UBE2E1: variants seen among roughly 807,000 people sequenced by gnomAD.
UBE2E1 encodes ubiquitin conjugating enzyme E2 E1.
UBE2E1 carries 6 observed loss-of-function variants against 21.4 expected under a neutral mutation model. The observed-to-expected ratio is 0.28, with a 90% CI of 0.15 to 0.55. UBE2E1 has a LOEUF of 0.55. Among genes scored for constraint, UBE2E1 ranks in the 20% least tolerant of loss-of-function variants. The pLI, the probability that UBE2E1 is intolerant of heterozygous loss-of-function variation, is 0.93. For synonymous variants in UBE2E1, 87 were observed against 82.7 expected (o/e 1.05, Z -0.28); for missense variants, 142 against 236.5 (o/e 0.60, Z 2.62).
chr3:23,882,020 G>A (rs925520281), intron 3 of UBE2E1, among the ~76,000 whole-genome samples: 2 of 152,148 alleles, frequency 1.3e-5, no homozygotes, highest in African/African-American at 4.8e-5. Context: ...GCAGACCTTC[G>A]CGGTGAGTGT....
rs954471121 is a variant in UBE2E1, at chr3:23,853,257, G to A, written c.204-34310G>A. ...ACTTCCAGTAAAATATTGAATAGAAGTAGTAAGGGTATCAAGTTCTTTTGC... is the reference window on the plus strand; with the variant it reads ...ACTTCCAGTAAAATATTGAATAGAAATAGTAAGGGTATCAAGTTCTTTTGC... On this transcript the variant is annotated intron_variant, in intron 3 of 5. Coordinates refer to ENST00000306627, the MANE Select transcript of UBE2E1 (RefSeq NM_003341.5). This position sits in a 1 kb window ranked among gnomAD's most constrained non-coding sequence, Gnocchi z 4.1. Among the ~76,000 whole-genome samples, 39 of 152,292 alleles carry A rather than the reference G, an allele frequency of 2.6e-4. No homozygotes were observed. The highest frequency in any genetic ancestry group is 3.4e-3 in the Middle Eastern group (1 of 294).
At chr3:23,848,457 G>A (rs1316241646) in intron 3 of UBE2E1, among the ~76,000 whole-genome samples, 2 of 146,218 alleles carry the variant, frequency 1.4e-5, no homozygotes, top group Non-Finnish European at 3.0e-5. Flanking sequence ...GTAGCAGAGT[G>A]AGACTCTGTC....
At chr3:23,838,764 C>T (rs1020688595) in intron 3 of UBE2E1, among the ~76,000 whole-genome samples, 2 of 151,914 alleles carry the variant, frequency 1.3e-5, no homozygotes, top group Admixed American at 6.6e-5. Flanking sequence ...CCCAGAGTGC[C>T]GGGATTACAG....
Position 23,840,392 on chromosome 3 carries a change from T to C in UBE2E1, c.203+28882T>C, listed in dbSNP as rs549967023. Among the ~76,000 whole-genome samples the C allele has an allele frequency of 2.1e-4, 32 of 152,350 alleles. No homozygotes were observed. In the South Asian group the frequency reaches 6.4e-3, roughly 31 times the overall value. On this transcript the variant is annotated intron_variant, in intron 3 of 5. Transcript: ENST00000306627. ...TGCCTTTTTGAGTGCTGCCTTTTTG[T>C]ATTCTTAAAAATATTCTTGAGCTTT...
Position 23,872,360 on chromosome 3 carries a change from G to A in UBE2E1, c.204-15207G>A, listed in dbSNP as rs147934886. Among the ~76,000 whole-genome samples the A allele has an allele frequency of 9.4e-3, 1,435 of 151,876 alleles. 24 individuals are homozygous for A. The highest frequency in any genetic ancestry group is 0.032 in the African/African-American group (1,341 of 41,382). On this transcript the variant is annotated intron_variant, in intron 3 of 5. Transcript: ENST00000306627. Reference sequence around the variant, plus strand: ...TTCGGCTCGGCATCAGAGGGAGACCGTGGAAAGAGGGGAGGGGGAGGGGGA... The same window carrying A: ...TTCGGCTCGGCATCAGAGGGAGACCATGGAAAGAGGGGAGGGGGAGGGGGA...
intron 3 of UBE2E1, among the ~76,000 whole-genome samples, chr3:23,884,631 C>G (rs778128203): frequency 3.3e-5 from 5 of 152,006 alleles, no homozygotes; most frequent in African/African-American, 1.2e-4. Context: ...AGAATTGGGC[C>G]CATGCCAACA....
In UBE2E1 at chr3:23,881,750, C is replaced by T. The variant is rs192964761; in HGVS notation, c.204-5817C>T. Among the ~76,000 whole-genome samples the T allele has an allele frequency of 8.3e-4, 127 of 152,264 alleles. 2 individuals carry two copies. Among genetic ancestry groups the T allele is most frequent in the African/African-American group, 2.7e-3 (113 of 41,564 alleles). ...GTCTCACTGACTTCAAGAATGAAGCCGCGGACCCTCACGGTGAGTGTTAAC... is the reference window on the plus strand; with the variant it reads ...GTCTCACTGACTTCAAGAATGAAGCTGCGGACCCTCACGGTGAGTGTTAAC... On this transcript the variant is annotated intron_variant, in intron 3 of 5. Transcript: ENST00000306627.
At chr3:23,868,608 C>G (rs1428496922) in intron 3 of UBE2E1, among the ~76,000 whole-genome samples, 1 of 152,106 alleles carries the variant, frequency 6.6e-6, no homozygotes, top group Non-Finnish European at 1.5e-5. Flanking sequence ...TGCCTGGCCA[C>G]TTTTACTTTC....
intron 3 of UBE2E1, among the ~76,000 whole-genome samples, chr3:23,850,517 T>C (rs2125306822): frequency 6.9e-6 from 1 of 144,348 alleles, no homozygotes; most frequent in South Asian, 2.2e-4. Context: ...TCCTCTTTAT[T>C]ATTATTATTA....
At chr3:23,861,466 A>AC (rs754630187) in intron 3 of UBE2E1, among the ~76,000 whole-genome samples, 14 of 151,800 alleles carry the variant, frequency 9.2e-5, no homozygotes, top group Non-Finnish European at 2.1e-4. Context: ...CGAGGGCTCC[A>AC]CCCCCGGGCC....
chr3:23,849,400 T>A (rs1053117986), intron 3 of UBE2E1, among the ~76,000 whole-genome samples: 2 of 152,230 alleles, frequency 1.3e-5, no homozygotes, highest in Non-Finnish European at 2.9e-5. Flanking sequence ...GCAGGTTTGT[T>A]ACATAGGTAT....
chr3:23,855,656 C>T (rs1299374968), intron 3 of UBE2E1, among the ~76,000 whole-genome samples: 5 of 151,970 alleles, frequency 3.3e-5, no homozygotes, highest in East Asian at 3.9e-4. Flanking sequence ...GATGAAACCC[C>T]GTCTCTACTA....
At chr3:23,812,693 T>C (rs758236220) in intron 3 of UBE2E1, among the ~76,000 whole-genome samples, 1 of 152,194 alleles carries the variant, frequency 6.6e-6, no homozygotes, top group South Asian at 2.1e-4. Flanking sequence ...CTTTCCTGGC[T>C]AATAATCTCT....
At chr3:23,807,970 T>A (rs1699313506) in intron 2 of UBE2E1, 1 of 152,232 alleles carries the variant, frequency 6.6e-6, no homozygotes, top group Non-Finnish European at 1.5e-5. Context: ...TTTCTGAGAG[T>A]TGAGGCAAAT....
chr3:23,814,691 C>T (rs1410014280), intron 3 of UBE2E1, among the ~76,000 whole-genome samples: 1 of 152,166 alleles, frequency 6.6e-6, no homozygotes, highest in Admixed American at 6.5e-5. Context: ...TCTGGGCCAC[C>T]AGAGTCAGTT....
rs1186022327 is a variant in UBE2E1 at position 23,806,547 on chromosome 3, G to T, written c.-34+459G>T. The stretch of plus-strand genomic sequence containing the variant: ...CGCCGCAGCCCCTATCCCCCTACAG[G>T]AGTGGCGATCGGGCGTGTGCTCCGG... On this transcript the variant is annotated intron_variant, in intron 1 of 5. Coordinates refer to ENST00000306627, the MANE Select transcript of UBE2E1 (RefSeq NM_003341.5). The surrounding 1 kb of genome is among the most constrained non-coding windows in gnomAD (Gnocchi z 6.5). 1.3e-5 allele frequency among the ~76,000 whole-genome samples: 2 copies of T among 151,598 alleles called. No homozygotes were observed. Among genetic ancestry groups the T allele is most frequent in the African/African-American group, 4.8e-5 (2 of 41,276 alleles).
At position 23,823,811 on chromosome 3, in the gene UBE2E1, C is replaced by T. The variant is rs562361617; in HGVS notation, c.203+12301C>T. 1.8e-4 allele frequency among the ~76,000 whole-genome samples: 27 copies of T among 152,304 alleles called. No homozygotes were observed. Among genetic ancestry groups the T allele is most frequent in the African/African-American group, 6.0e-4 (25 of 41,564 alleles). On this transcript the variant is annotated intron_variant, in intron 3 of 5. Coordinates refer to ENST00000306627, the MANE Select transcript of UBE2E1 (RefSeq NM_003341.5). This position sits in a 1 kb window ranked among gnomAD's most constrained non-coding sequence, Gnocchi z 4.2. ...CAGAGACTGGCAGTAAAGTTAGCAG[C>T]GTCATATACTACTTGCTAGTATATC... is the stretch of plus-strand genomic sequence containing the variant.
rs1252490016 is a variant in UBE2E1, at chr3:23,807,225, C to G, written c.-33-12C>G. The G allele has an allele frequency of 1.9e-6, 3 of 1,581,728 alleles. No individual in the cohort carries two copies. The highest frequency in any genetic ancestry group is 1.7e-6 in the Non-Finnish European group (2 of 1,166,720). On this transcript the variant is annotated splice_polypyrimidine_tract_variant and intron_variant, in intron 1 of 5. Coordinates refer to ENST00000306627, the MANE Select transcript of UBE2E1 (RefSeq NM_003341.5). ...GTTTGTGTGTTTCTGTTTTGTTTCT[C>G]TCCCCCTGCAGGGGCTGTTTGCGGG...
intron 3 of UBE2E1, among the ~76,000 whole-genome samples, chr3:23,829,164 C>A (rs1192736055): frequency 3.8e-3 from 483 of 127,862 alleles, no homozygotes; most frequent in Admixed American, 4.2e-3. Flanking sequence ...GACAGGGCCT[C>A]AAAAAAAAAA....
Sources: gnomAD v4.1 joint callset for allele counts (sites outside exome capture counted in the v4.1 genomes callset) on GRCh38, gnomAD v4.1.1 for gene constraint, Gnocchi (gnomAD v3.1) non-coding constraint, MANE v1.5 for transcripts, NCBI Gene and HGNC (gene_info 2026-07-23, HGNC 2026-07-21) for gene names.